Variants in ANO10 observed in about 807,000 individuals in gnomAD.
The protein encoded by ANO10 is anoctamin-10.
ANO10 carries 77 observed loss-of-function variants against 74.7 expected under a neutral mutation model. That is an observed-to-expected ratio of 1.03 (90% confidence interval 0.86 to 1.25). ANO10 has a LOEUF of 1.25. Ranked by LOEUF, ANO10 falls within the 50% of genes most tolerant of loss-of-function variation. The pLI is 0.00. For synonymous variants in ANO10, 279 were observed against 284.9 expected (o/e 0.98, Z 0.21); for missense variants, 721 against 778.1 (o/e 0.93, Z 0.87).
At chr3:43,626,228 C>G (rs888113193), upstream of ANO10, among the ~76,000 whole-genome samples, 2 of 151,922 alleles carry the variant, frequency 1.3e-5, no homozygotes, top group Non-Finnish European at 2.9e-5. Context: ...GCCACCATGC[C>G]TGGCCCAATT....
At position 43,366,886 on chromosome 3, in the gene ANO10, C is replaced by A; in HGVS notation, c.*20G>T. 6.4e-7 allele frequency: 1 copy of A among 1,569,542 alleles called. No homozygotes were observed. On this transcript the variant is annotated 3_prime_UTR_variant, in exon 13 of 13. Coordinates refer to ENST00000292246, the MANE Select transcript of ANO10 (RefSeq NM_018075.5). Reference sequence around the variant, plus strand: ...CAGACACAGGCCTCTGCCAACAGGGCAGCTGGGCACGCTGGGCACTCAGGT... The same window carrying A: ...CAGACACAGGCCTCTGCCAACAGGGAAGCTGGGCACGCTGGGCACTCAGGT...
At chr3:43,598,400 G>A (rs765877087) in intron 4 of ANO10, 132 bp downstream of exon 4, 5 of 890,550 alleles carry the variant, frequency 5.6e-6, no homozygotes, top group Non-Finnish European at 8.5e-6. Flanking sequence ...AGGTTCCAAA[G>A]GGAAAAGATA....
upstream of ANO10, among the ~76,000 whole-genome samples, chr3:43,624,308 T>C (rs1449267119): frequency 6.6e-6 from 1 of 152,206 alleles, no homozygotes; most frequent in Non-Finnish European, 1.5e-5. Flanking sequence ...GTATGTAGCA[T>C]TGATATAGTT....
rs188728315 is a variant in ANO10, at chr3:43,495,761, C to T, written c.1797+53959G>A. On this transcript the variant is annotated intron_variant, in intron 11 of 12. Transcript: ENST00000292246. ...TGTCCCCCAGGCTGGAGAGCAGTGGCGCAATCTCGGCTCACTGCAACCTCT... is the reference window on the plus strand; with the variant it reads ...TGTCCCCCAGGCTGGAGAGCAGTGGTGCAATCTCGGCTCACTGCAACCTCT... Among the ~76,000 whole-genome samples the T allele has an allele frequency of 7.9e-4, 120 of 152,038 alleles. 1 individual carries two copies. Among genetic ancestry groups the T allele is most frequent in the African/African-American group, 2.7e-3 (111 of 41,470 alleles).
chr3:43,613,045 G>A (rs1173930919), intron 1 of ANO10, among the ~76,000 whole-genome samples: 3 of 152,094 alleles, frequency 2.0e-5, no homozygotes, highest in Admixed American at 1.3e-4. Flanking sequence ...GCACACGCCT[G>A]TAATCCCAGC....
chr3:43,431,721 C>T (rs1021805766), intron 12 of ANO10, among the ~76,000 whole-genome samples: 1 of 151,956 alleles, frequency 6.6e-6, no homozygotes, highest in Non-Finnish European at 1.5e-5. Flanking sequence ...TATCACAAGT[C>T]CTCTTCTGGA....
In ANO10 at chr3:43,576,873, A is replaced by G; in HGVS notation, c.981T>C (p.Tyr327=). The stretch of plus-strand genomic sequence containing the variant: ...AAATCATCATGACATACAGTGAGAA[A>G]TAGAGGCAGAGGCACACGAATGGCA... ...VSLPFVCLCL[Y]FSLYVMMIYF... The change falls in exon 6 of 13, where the codon TAT becomes TAC. Residue 327 remains tyrosine (Y), a synonymous_variant. Coordinates refer to ENST00000292246, the MANE Select transcript of ANO10 (RefSeq NM_018075.5). The G allele has an allele frequency of 6.2e-7, 1 of 1,614,232 alleles. No individual in the cohort carries two copies. Among genetic ancestry groups the G allele is most frequent in the Non-Finnish European group, 8.5e-7 (1 of 1,180,042 alleles).
At chr3:43,679,914 T>C (rs943475561) in intron 1 of ANO10, among the ~76,000 whole-genome samples, 3 of 151,936 alleles carry the variant, frequency 2.0e-5, no homozygotes, top group African/African-American at 4.8e-5. Context: ...AGAAAGCACA[T>C]CCACACCAAA....
intron 11 of ANO10, among the ~76,000 whole-genome samples, chr3:43,463,996 GCTCT>G (rs780001721): frequency 2.0e-5 from 3 of 152,114 alleles, no homozygotes; most frequent in Non-Finnish European, 4.4e-5. Flanking sequence ...CACGGCACAA[GCTCT>G]CTCTCTTTGC....
chr3:43,375,120 CA>C (rs1255058682), intron 12 of ANO10, among the ~76,000 whole-genome samples: 8 of 134,234 alleles, frequency 6.0e-5, no homozygotes, highest in South Asian at 2.4e-4. Context: ...AACTCTGTCT[CA>C]AAAAAAAAAC....
Position 43,555,363 on chromosome 3 carries a change from G to A in ANO10, c.1583C>T (p.Thr528Ile), listed in dbSNP as rs1271992711. The A allele has an allele frequency of 6.2e-7, 1 of 1,614,156 alleles. No homozygotes were observed. The highest frequency in any genetic ancestry group is 1.1e-5 in the South Asian group (1 of 91,090). Reference protein sequence around the residue: ...AAAFAVLNNFTEVNSDALKMC... With the variant: ...AAAFAVLNNFIEVNSDALKMC... Reference sequence around the variant, plus strand: ...TTTTAAGGCATCTGAATTTACTTCAGTGAAGTTATTTAACACAGCAAAGGC... The same window carrying A: ...TTTTAAGGCATCTGAATTTACTTCAATGAAGTTATTTAACACAGCAAAGGC... Residue 528 changes from threonine (T) to isoleucine (I), a missense_variant, in exon 10 of 13, where the codon ACT becomes ATT. Thr to Ile is a moderately conservative substitution (Grantham distance 89). Transcript: ENST00000292246.
At chr3:43,593,949 G>C (rs1286771215) in intron 4 of ANO10, among the ~76,000 whole-genome samples, 18 of 152,060 alleles carry the variant, frequency 1.2e-4, no homozygotes, top group Non-Finnish European at 1.5e-5. Context: ...AAAACAAGCA[G>C]GGGTTGCAAT....
At chr3:43,445,407 A>G (rs2093230344) in intron 11 of ANO10, among the ~76,000 whole-genome samples, 1 of 117,618 alleles carries the variant, frequency 8.5e-6, no homozygotes, top group South Asian at 3.5e-4. Context: ...TATGGGAACT[A>G]TCAGTTCTAG....
intron 1 of ANO10, among the ~76,000 whole-genome samples, chr3:43,632,562 T>G (rs2083560083): frequency 6.6e-6 from 1 of 152,280 alleles, no homozygotes. Flanking sequence ...CCCTAAACTT[T>G]GCTCACACAT....
chr3:43,425,710 G>A (rs1157978100), intron 12 of ANO10, among the ~76,000 whole-genome samples: 1 of 152,142 alleles, frequency 6.6e-6, no homozygotes, highest in African/African-American at 2.4e-5. Flanking sequence ...CAACCTGGCT[G>A]CAGTACAGCA....
intron 11 of ANO10, among the ~76,000 whole-genome samples, chr3:43,516,258 G>A (rs552266538): frequency 6.6e-6 from 1 of 152,238 alleles, no homozygotes; most frequent in Admixed American, 6.5e-5. Context: ...GAGAGACCAG[G>A]GAAAACTGAG....
chr3:43,627,913 AGTGTT>A (rs2083507107), intron 1 of ANO10, among the ~76,000 whole-genome samples: 7 of 151,874 alleles, frequency 4.6e-5, no homozygotes, highest in Admixed American at 4.6e-4. Context: ...TATGTGACAG[AGTGTT>A]GCTCTGTCAC....
At chr3:43,607,078 C>T (rs2082598287) in intron 1 of ANO10, among the ~76,000 whole-genome samples, 1 of 152,054 alleles carries the variant, frequency 6.6e-6, no homozygotes, top group African/African-American at 2.4e-5. Context: ...GGGTCCCATT[C>T]CCAAGAGATC....
At chr3:43,380,154 A>T (rs924431908) in intron 12 of ANO10, among the ~76,000 whole-genome samples, 2 of 152,218 alleles carry the variant, frequency 1.3e-5, no homozygotes, top group Non-Finnish European at 2.9e-5. Flanking sequence ...ATTTAAAAAA[A>T]TTAACAAAGC....
Sources: gnomAD v4.1 joint callset for allele counts (sites outside exome capture counted in the v4.1 genomes callset) on GRCh38, gnomAD v4.1.1 for gene constraint, MANE v1.5 for transcripts, NCBI Gene and HGNC (gene_info 2026-07-23, HGNC 2026-07-21) for gene names.